The following DLG2 variants were observed in gnomAD, a reference collection of about 807,000 sequenced individuals.
DLG2 encodes the protein discs large MAGUK scaffold protein 2.
In DLG2, 45 loss-of-function variants were observed where a neutral mutation model predicts 132.5. That is an observed-to-expected ratio of 0.34 (90% CI 0.27 to 0.44). The LOEUF is 0.44. DLG2 is among the 20% of genes least tolerant of loss of function. The pLI is 1.00. For missense variants in DLG2, 1,045 were observed against 1,196.9 expected (o/e 0.87, Z 1.87); for synonymous variants, 424 against 419.6 (o/e 1.01, Z -0.13).
chr11:84,184,261 T>G (rs2096223748), intron 8 of DLG2, among the ~76,000 whole-genome samples: 1 of 151,674 alleles, frequency 6.6e-6, no homozygotes. Flanking sequence ...TTTTAATGAT[T>G]GCCATTCTAA....
chr11:84,862,709 T>C (rs1193669465), intron 6 of DLG2, among the ~76,000 whole-genome samples: 2 of 149,494 alleles, frequency 1.3e-5, no homozygotes, highest in Non-Finnish European at 2.9e-5. Context: ...TTCAGCAAAC[T>C]AACACAGGAA....
intron 16 of DLG2, among the ~76,000 whole-genome samples, chr11:83,864,263 A>C (rs1464684575): frequency 6.6e-6 from 1 of 152,210 alleles, no homozygotes; most frequent in Non-Finnish European, 1.5e-5. Context: ...TGTAATTACA[A>C]AGATATAATC....
intron 9 of DLG2, among the ~76,000 whole-genome samples, chr11:84,132,946 A>G (rs2094472195): frequency 6.6e-6 from 1 of 152,096 alleles, no homozygotes; most frequent in Non-Finnish European, 1.5e-5. Flanking sequence ...AAAAGTAATC[A>G]GATTATTAGA....
intron 8 of DLG2, among the ~76,000 whole-genome samples, chr11:84,181,379 A>C (rs1405655863): frequency 6.6e-6 from 1 of 151,978 alleles, no homozygotes; most frequent in Admixed American, 6.6e-5. Context: ...AAGAAAATAA[A>C]TAATATAAAA....
chr11:85,141,532 T>C (rs999662510), intron 5 of DLG2, among the ~76,000 whole-genome samples: 7 of 151,852 alleles, frequency 4.6e-5, no homozygotes, highest in Admixed American at 3.9e-4. Flanking sequence ...GATTATTTCC[T>C]TTGCTATGGA....
intron 6 of DLG2, among the ~76,000 whole-genome samples, chr11:84,937,372 G>A (rs2048871252): frequency 7.5e-6 from 1 of 133,402 alleles, no homozygotes; most frequent in South Asian, 2.5e-4. Context: ...AAACTGCTAG[G>A]TCATACCAGA....
intron 7 of DLG2, among the ~76,000 whole-genome samples, chr11:84,516,126 C>CA (rs57802333): frequency 0.45 from 66,825 of 148,614 alleles, 15,486 homozygotes; most frequent in South Asian, 0.57. Flanking sequence ...ATGTCTACAT[C>CA]AAAAAAAAAG....
intron 6 of DLG2, among the ~76,000 whole-genome samples, chr11:84,695,037 T>G (rs955984040): frequency 1.3e-5 from 2 of 151,532 alleles, no homozygotes; most frequent in African/African-American, 4.8e-5. Context: ...TGAATTTCCT[T>G]TTAATGGTCA....
intron 4 of DLG2, among the ~76,000 whole-genome samples, chr11:85,206,657 T>C (rs1028158335): frequency 9.2e-5 from 14 of 152,148 alleles, no homozygotes; most frequent in Admixed American, 8.5e-4. Flanking sequence ...TCTACTCTAT[T>C]CCTTCTTACT....
At chr11:85,014,958 T>A (rs1320028261) in intron 6 of DLG2, among the ~76,000 whole-genome samples, 3 of 152,200 alleles carry the variant, frequency 2.0e-5, no homozygotes, top group Admixed American at 1.3e-4. Flanking sequence ...AGATTATGCC[T>A]CTTGAAGTTA....
rs563029616 is a variant in DLG2, at chr11:85,443,171, A to AT, written c.40+155485dup. 1.8e-3 allele frequency among the ~76,000 whole-genome samples: 272 copies of AT among 152,256 alleles called. 1 individual carries two copies. The highest frequency in any genetic ancestry group is 3.0e-3 in the Non-Finnish European group (203 of 68,004). On this transcript the variant is annotated intron_variant, in intron 3 of 27. Coordinates refer to ENST00000376104, the MANE Select transcript of DLG2 (RefSeq NM_001142699.3). ...ACATTTTTCTTAAGATCTGTCACTA[A>AT]TTTTTTTATCTACTACAGCACGATT...
intron 7 of DLG2, among the ~76,000 whole-genome samples, chr11:84,472,954 C>T (rs2154490862): frequency 6.6e-6 from 1 of 152,110 alleles, no homozygotes; most frequent in Middle Eastern, 3.4e-3. Flanking sequence ...ATAAACGTTA[C>T]AACATGTAAA....
chr11:84,173,000 T>C (rs978528402), intron 8 of DLG2, among the ~76,000 whole-genome samples: 2 of 152,184 alleles, frequency 1.3e-5, no homozygotes, highest in African/African-American at 4.8e-5. Flanking sequence ...TAGCGGCTTT[T>C]TAGCTATAAA....
intron 10 of DLG2, among the ~76,000 whole-genome samples, chr11:84,086,410 T>C (rs923185775): frequency 1.3e-5 from 2 of 152,142 alleles, no homozygotes; most frequent in African/African-American, 4.8e-5. Flanking sequence ...AGTGTTTTTT[T>C]AGTACAGTCA....
chr11:84,564,732 C>G (rs2099444356), intron 6 of DLG2, among the ~76,000 whole-genome samples: 1 of 152,112 alleles, frequency 6.6e-6, no homozygotes, highest in Non-Finnish European at 1.5e-5. Flanking sequence ...AAGGTGTCTC[C>G]TAAGAGTATG....
chr11:83,779,421 C>T (rs2094716420), intron 18 of DLG2, among the ~76,000 whole-genome samples: 1 of 152,130 alleles, frequency 6.6e-6, no homozygotes, highest in Admixed American at 6.6e-5. Flanking sequence ...TAGCAATTAA[C>T]AACAGTAACA....
rs11432662 is a variant in DLG2, at chr11:85,361,310, A to ATT, written c.41-75947_41-75946dup. Reference sequence around the variant, plus strand: ...AGCTGCTTATTCCACAGACTTTTCTATTTTTTTTTTTAATTTTTATATACT... The same window carrying ATT: ...AGCTGCTTATTCCACAGACTTTTCTATTTTTTTTTTTTTAATTTTTATATACT... On this transcript the variant is annotated intron_variant, in intron 3 of 27. Transcript: ENST00000376104. Among the ~76,000 whole-genome samples the ATT allele has an allele frequency of 1.7e-3, 254 of 149,076 alleles. 3 individuals are homozygous for ATT. The highest frequency in any genetic ancestry group is 3.8e-3 in the South Asian group (18 of 4,734).
At chr11:84,271,290 AATG>A (rs1328552495) in intron 7 of DLG2, among the ~76,000 whole-genome samples, 18 of 152,328 alleles carry the variant, frequency 1.2e-4, no homozygotes, top group African/African-American at 4.3e-4. Context: ...AGCAAACCTG[AATG>A]ATAATTTGGG....
At chr11:84,053,643 C>A (rs1169302824) in intron 11 of DLG2, among the ~76,000 whole-genome samples, 1 of 151,876 alleles carries the variant, frequency 6.6e-6, no homozygotes, top group Non-Finnish European at 1.5e-5. Context: ...CTATGAATTA[C>A]ATATTTAGAT....
Sources: gnomAD v4.1 joint callset for allele counts (sites outside exome capture counted in the v4.1 genomes callset) on GRCh38, gnomAD v4.1.1 for gene constraint, MANE v1.5 for transcripts, NCBI Gene and HGNC (gene_info 2026-07-23, HGNC 2026-07-21) for gene names.